Variants in EYS observed in about 807,000 individuals in gnomAD.
The protein encoded by EYS is protein eyes shut homolog.
Under a neutral mutation model 282.1 loss-of-function variants are expected in EYS, and 250 were observed. That is an observed-to-expected ratio of 0.89 (90% CI 0.80 to 0.98). EYS has a LOEUF of 0.98. Ranked by LOEUF, EYS falls within the 50% of genes least tolerant of loss-of-function variation. EYS has a pLI of 0.00. For missense variants in EYS, 4,016 were observed against 3,709.0 expected (o/e 1.08, Z -2.15); for synonymous variants, 1,355 against 1,282.9 (o/e 1.06, Z -1.20).
intron 8 of EYS, among the ~76,000 whole-genome samples, chr6:65,373,225 C>T (rs369004498): frequency 1.1e-4 from 16 of 152,248 alleles, no homozygotes; most frequent in Middle Eastern, 3.4e-3. Flanking sequence ...ATCCTTGCTT[C>T]GGTGTCCCTG....
At chr6:64,708,350 A>C (rs1021316732) in intron 22 of EYS, among the ~76,000 whole-genome samples, 3 of 152,242 alleles carry the variant, frequency 2.0e-5, no homozygotes, top group African/African-American at 7.2e-5. Context: ...ATAAAGCAAA[A>C]TGCTTGTTTA....
chr6:63,752,325 A>G (rs1266331085), intron 41 of EYS, among the ~76,000 whole-genome samples: 3 of 152,040 alleles, frequency 2.0e-5, no homozygotes, highest in Non-Finnish European at 4.4e-5. Context: ...ATCATTAGCA[A>G]GCTACTATAT....
intron 29 of EYS, among the ~76,000 whole-genome samples, chr6:64,351,984 TA>T (rs2150403799): frequency 6.6e-6 from 1 of 151,716 alleles, no homozygotes; most frequent in African/African-American, 2.4e-5. Flanking sequence ...AGATATTCCT[TA>T]ATATGAATTT....
At chr6:64,890,349 G>A (rs1369498589) in intron 18 of EYS, among the ~76,000 whole-genome samples, 1 of 151,976 alleles carries the variant, frequency 6.6e-6, no homozygotes, top group East Asian at 1.9e-4. Context: ...ACACCTATTC[G>A]CACACTTCCT....
intron 13 of EYS, among the ~76,000 whole-genome samples, chr6:65,020,740 C>T (rs1259083119): frequency 6.6e-6 from 1 of 152,194 alleles, no homozygotes; most frequent in Non-Finnish European, 1.5e-5. Flanking sequence ...TCTGTGAGGG[C>T]TCCACCCATG....
At chr6:64,873,831 AAAAT>A (rs1318188314) in intron 19 of EYS, among the ~76,000 whole-genome samples, 16 of 152,200 alleles carry the variant, frequency 1.1e-4, no homozygotes, top group Admixed American at 2.6e-4. Context: ...GTGTCAATTA[AAAAT>A]AAATAAATAC....
intron 30 of EYS, among the ~76,000 whole-genome samples, chr6:64,298,641 G>A (rs531943410): frequency 1.3e-5 from 2 of 151,988 alleles, no homozygotes; most frequent in African/African-American, 4.8e-5. Flanking sequence ...CAAGAATAAG[G>A]AACACATCAC....
intron 2 of EYS, among the ~76,000 whole-genome samples, chr6:65,616,250 TGA>T (rs1412087485): frequency 6.6e-6 from 1 of 152,224 alleles, no homozygotes; most frequent in African/African-American, 2.4e-5. Flanking sequence ...TTCTGCTCTG[TGA>T]GTTTCTTCAC....
intron 29 of EYS, among the ~76,000 whole-genome samples, chr6:64,322,146 T>C (rs959236317): frequency 3.3e-5 from 5 of 152,016 alleles, no homozygotes; most frequent in Admixed American, 2.6e-4. Context: ...AAATTGTTCA[T>C]TGACAAAGAA....
At chr6:64,483,209 G>A (rs1776488535) in intron 26 of EYS, among the ~76,000 whole-genome samples, 1 of 151,610 alleles carries the variant, frequency 6.6e-6, no homozygotes, top group African/African-American at 2.4e-5. Context: ...ATAATAAATA[G>A]GCATAACCAT....
At chr6:64,197,545 C>T (rs897643641) in intron 31 of EYS, among the ~76,000 whole-genome samples, 6 of 152,038 alleles carry the variant, frequency 3.9e-5, no homozygotes, top group Non-Finnish European at 8.8e-5. Flanking sequence ...ATGTTGTTTC[C>T]TAGTTCATCA....
intron 33 of EYS, among the ~76,000 whole-genome samples, chr6:64,039,149 A>G (rs953303125): frequency 1.3e-5 from 2 of 152,226 alleles, no homozygotes; most frequent in African/African-American, 4.8e-5. Flanking sequence ...TAATTTTCAA[A>G]TACCTGACTG....
intron 26 of EYS, among the ~76,000 whole-genome samples, chr6:64,472,997 T>C (rs1299077935): frequency 1.3e-5 from 2 of 152,178 alleles, no homozygotes; most frequent in Admixed American, 6.6e-5. Context: ...AAGAAATTAC[T>C]AATTTTCAGC....
intron 35 of EYS, among the ~76,000 whole-genome samples, chr6:63,866,089 T>C (rs964827444): frequency 7.2e-5 from 11 of 152,304 alleles, no homozygotes; most frequent in African/African-American, 2.6e-4. Flanking sequence ...GCCCCTAAGA[T>C]GGTTATAAAG....
chr6:63,741,369 C>A (rs1390281623), intron 41 of EYS, among the ~76,000 whole-genome samples: 1 of 152,020 alleles, frequency 6.6e-6, no homozygotes, highest in Non-Finnish European at 1.5e-5. Flanking sequence ...ACTTGGATTG[C>A]AATGAAGTAC....
chr6:63,943,305 A>AC, intron 35 of EYS, among the ~76,000 whole-genome samples: 1 of 152,368 alleles, frequency 6.6e-6, no homozygotes, highest in African/African-American at 2.4e-5. Flanking sequence ...TTAGGTGGCT[A>AC]CTAATGGTCT....
intron 26 of EYS, among the ~76,000 whole-genome samples, chr6:64,494,382 G>T (rs16895310): frequency 0.052 from 7,867 of 151,564 alleles, 688 homozygotes; most frequent in African/African-American, 0.18. Flanking sequence ...CTTTCTCTGA[G>T]GCATCTTTCC....
At chr6:65,324,176 C>A (rs1234206618) in intron 11 of EYS, among the ~76,000 whole-genome samples, 1 of 151,872 alleles carries the variant, frequency 6.6e-6, no homozygotes, top group Non-Finnish European at 1.5e-5. Flanking sequence ...TTATCAATTA[C>A]CCCGATTCAT....
At chr6:64,160,087 C>T (rs1176325015) in intron 31 of EYS, among the ~76,000 whole-genome samples, 1 of 152,120 alleles carries the variant, frequency 6.6e-6, no homozygotes, top group Non-Finnish European at 1.5e-5. Flanking sequence ...ATCTAAACAC[C>T]TCTTGTCTGG....
Sources: gnomAD v4.1 joint callset for allele counts (sites outside exome capture counted in the v4.1 genomes callset) on GRCh38, gnomAD v4.1.1 for gene constraint, MANE v1.5 for transcripts, NCBI Gene and HGNC (gene_info 2026-07-23, HGNC 2026-07-21) for gene names.